Variants in RLIG1 observed in about 807,000 individuals in gnomAD.
The protein encoded by RLIG1 is RNA ligase 1.
the RLIG1 span, chr12:88,036,069 A>T: frequency 7.2e-7 from 1 of 1,386,474 alleles, no homozygotes; most frequent in East Asian, 3.9e-5. Context: ...AAACCCCCTA[A>T]TCAGGTAATT....
At chr12:88,036,851 T>C in the RLIG1 span, among the ~76,000 whole-genome samples, 1 of 152,196 alleles carries the variant, frequency 6.6e-6, no homozygotes, top group South Asian at 2.1e-4. Context: ...TTTTTTTAGC[T>C]GTAACAAATG....
chr12:88,045,775 A>G, the RLIG1 span: 4 of 1,611,026 alleles, frequency 2.5e-6, no homozygotes, highest in Non-Finnish European at 3.4e-6. Context: ...ATGGAAACCC[A>G]TATGGTGAGT....
At chr12:88,042,880 A>G in the RLIG1 span, 1 of 1,573,450 alleles carries the variant, frequency 6.4e-7, no homozygotes, top group Non-Finnish European at 8.6e-7. Context: ...AAGCTGAAAA[A>G]AGATTTAAAA....
chr12:88,045,407 T>C, the RLIG1 span: 7 of 584,160 alleles, frequency 1.2e-5, no homozygotes, highest in African/African-American at 5.6e-5. Context: ...TGAACCCTTA[T>C]GATTTTTTAA....
chr12:88,035,835 G>C, the RLIG1 span: 68 of 1,539,138 alleles, frequency 4.4e-5, no homozygotes, highest in Non-Finnish European at 5.6e-5. Flanking sequence ...GGGCGCTTTA[G>C]AACTGCCCTG....
the RLIG1 span, chr12:88,046,740 A>G: frequency 4.4e-6 from 6 of 1,371,918 alleles, no homozygotes; most frequent in East Asian, 1.4e-4. Flanking sequence ...TTATTTGAAG[A>G]GGTACGTTTT....
the RLIG1 span, chr12:88,049,181 C>A: frequency 1.3e-6 from 2 of 1,549,584 alleles, no homozygotes; most frequent in Non-Finnish European, 8.8e-7. Flanking sequence ...TTATAGGTGA[C>A]CTTTAGTAAA....
chr12:88,036,026 G>A, the RLIG1 span: 1 of 1,469,314 alleles, frequency 6.8e-7, no homozygotes, highest in East Asian at 2.9e-5. Flanking sequence ...TCCACAGCAT[G>A]TCCCTTCCTT....
At chr12:88,046,056 A>T in the RLIG1 span, among the ~76,000 whole-genome samples, 22 of 152,296 alleles carry the variant, frequency 1.4e-4, no homozygotes, top group Middle Eastern at 6.8e-3. Flanking sequence ...CCTTGCTTTT[A>T]AAAATTCAGG....
the RLIG1 span, among the ~76,000 whole-genome samples, chr12:88,037,219 T>A: frequency 6.6e-6 from 1 of 152,186 alleles, no homozygotes; most frequent in Non-Finnish European, 1.5e-5. Context: ...TTTTTAATTT[T>A]TCAAGTCAGT....
the RLIG1 span, among the ~76,000 whole-genome samples, chr12:88,039,261 T>C: frequency 2.6e-5 from 4 of 152,094 alleles, no homozygotes; most frequent in African/African-American, 9.7e-5. Flanking sequence ...GAGACAGGAG[T>C]ACATTACCAC....
the RLIG1 span, among the ~76,000 whole-genome samples, chr12:88,037,578 T>C: frequency 1.3e-5 from 2 of 152,234 alleles, no homozygotes; most frequent in Non-Finnish European, 2.9e-5. Context: ...CCTGTGGCTC[T>C]ACCACCCTGG....
chr12:88,047,308 G>T, the RLIG1 span, among the ~76,000 whole-genome samples: 1 of 152,126 alleles, frequency 6.6e-6, no homozygotes, highest in Admixed American at 6.6e-5. Flanking sequence ...TGTAGAATCT[G>T]TTGAGTAAAA....
the RLIG1 span, chr12:88,049,472 G>T: frequency 1.1e-6 from 1 of 876,460 alleles, no homozygotes; most frequent in South Asian, 1.6e-5. Context: ...TTTTACGTTT[G>T]AACAAGGAGA....
At chr12:88,048,222 TTC>T in the RLIG1 span, 1 of 1,520,628 alleles carries the variant, frequency 6.6e-7, no homozygotes, top group South Asian at 1.3e-5. Flanking sequence ...AATACCTTTT[TTC>T]TCTTTCCAGG....
chr12:88,047,068 G>A, the RLIG1 span: 1 of 1,252,202 alleles, frequency 8.0e-7, no homozygotes, highest in Non-Finnish European at 1.1e-6. Flanking sequence ...ACAAATGGCA[G>A]CAATTCTTAT....
At chr12:88,035,597 C>T in the RLIG1 span, 18 of 1,541,464 alleles carry the variant, frequency 1.2e-5, no homozygotes, top group Admixed American at 2.1e-4. Context: ...GCGACTGGAC[C>T]GGGCGCCGCT....
the RLIG1 span, chr12:88,043,962 A>G: frequency 2.1e-6 from 1 of 469,506 alleles, no homozygotes; most frequent in Admixed American, 4.0e-5. Flanking sequence ...AGTCTGTGAC[A>G]ATAAAGCGTC....
At chr12:88,037,175 C>T in the RLIG1 span, among the ~76,000 whole-genome samples, 1 of 152,130 alleles carries the variant, frequency 6.6e-6, no homozygotes, top group Admixed American at 6.5e-5. Flanking sequence ...CATATTTTTG[C>T]TCAGACTGTT....
Sources: allele counts gnomAD v4.1 joint callset (sites outside exome capture counted in the v4.1 genomes callset), GRCh38; gene constraint gnomAD v4.1.1; transcripts MANE v1.5; gene names NCBI Gene and HGNC (gene_info 2026-07-23, HGNC 2026-07-21).